ZBTB8B: variants seen among roughly 807,000 people sequenced by gnomAD.
ZBTB8B encodes the protein zinc finger and BTB domain containing 8B.
In ZBTB8B, 17 loss-of-function variants were observed where a neutral mutation model predicts 30.3. That is an observed-to-expected ratio of 0.56 (90% CI 0.38 to 0.84). ZBTB8B has a LOEUF of 0.84. ZBTB8B is among the 40% of genes least tolerant of loss of function. The pLI, the probability that ZBTB8B is intolerant of heterozygous loss-of-function variation, is 0.00. For missense variants in ZBTB8B, 515 were observed against 644.9 expected (o/e 0.80, Z 2.18); for synonymous variants, 248 against 255.6 (o/e 0.97, Z 0.28).
intron 1 of ZBTB8B, among the ~76,000 whole-genome samples, chr1:32,469,120 C>T (rs2148179722): frequency 6.6e-6 from 1 of 151,964 alleles, no homozygotes; most frequent in Middle Eastern, 3.4e-3. Flanking sequence ...TGCTTGAGCC[C>T]AGGAGTTTGA....
chr1:32,482,353 T>G (rs1326980074), intron 3 of ZBTB8B, among the ~76,000 whole-genome samples: 5 of 151,904 alleles, frequency 3.3e-5, no homozygotes, highest in African/African-American at 1.2e-4. Flanking sequence ...ATACAAATAG[T>G]TTGATCTTCA....
rs544456416 is a variant in ZBTB8B at position 32,466,508 on chromosome 1, G to A, written c.-42+1403G>A. Among the ~76,000 whole-genome samples, 3 of 152,196 alleles carry A rather than the reference G, an allele frequency of 2.0e-5. No homozygotes were observed. In the South Asian group the frequency reaches 6.2e-4, roughly 32 times the overall value. ...GAGCTGCTCTTCTGGGATAAGTGGT[G>A]ATCCTCAGCACTTCCCGGGGCAGCA... On this transcript the variant is annotated intron_variant, in intron 1 of 3. Coordinates refer to ENST00000609129, the MANE Select transcript of ZBTB8B (RefSeq NM_001145720.2).
rs143543287 is a variant in ZBTB8B, at chr1:32,487,814, G to A, written c.*2396G>A. ...AATCGTGCCACTCCACTCCAGCCTG[G>A]GCAACAGTGTGAGACCTTGTCTCAA... On this transcript the variant is annotated 3_prime_UTR_variant, in exon 4 of 4. Coordinates refer to ENST00000609129, the MANE Select transcript of ZBTB8B (RefSeq NM_001145720.2). The A allele has an allele frequency of 6.6e-6, 1 of 152,046 alleles. No homozygotes were observed. Among genetic ancestry groups the A allele is most frequent in the African/African-American group, 2.4e-5 (1 of 41,462 alleles). The allele number at this position is 152,046 out of a possible 1,614,324, so 9.4% of individuals were successfully genotyped here. A position where few individuals can be genotyped will look rare whatever the true frequency, so the allele number is the denominator to read the frequency against.
intron 2 of ZBTB8B, among the ~76,000 whole-genome samples, chr1:32,479,888 T>C (rs1429871459): frequency 6.6e-6 from 1 of 152,232 alleles, no homozygotes; most frequent in African/African-American, 2.4e-5. Flanking sequence ...AATTCCTGGA[T>C]ATTTGATGAT....
intron 1 of ZBTB8B, among the ~76,000 whole-genome samples, chr1:32,469,152 C>T (rs916702769): frequency 6.6e-6 from 1 of 151,792 alleles, no homozygotes; most frequent in Non-Finnish European, 1.5e-5. Context: ...GCTATGATCA[C>T]ACCATTTGCA....
chr1:32,470,514 A>G lies in ZBTB8B; in HGVS notation c.-41-70A>G, dbSNP rs879230638. On this transcript the variant is annotated intron_variant, in intron 1 of 3. Transcript: ENST00000609129. ...GACGCTGACTCAAAAAAAAAAAAAA[A>G]AAAAAAAAAAAAGAAATCTTGTTTG... 3.6e-5 allele frequency: 40 copies of G among 1,100,420 alleles called. No homozygotes were observed. The East Asian group carries it at 5.7e-4, about 16-fold the overall frequency. The allele number at this position is 1,100,420 out of a possible 1,614,324, so 68.2% of individuals were successfully genotyped here.
chr1:32,484,809 G>A lies in ZBTB8B; in HGVS notation c.1171-292G>A, dbSNP rs1017427187. Among the ~76,000 whole-genome samples the A allele has an allele frequency of 2.0e-5, 3 of 151,968 alleles. No individual in the cohort carries two copies. The highest frequency in any genetic ancestry group is 1.5e-5 in the Non-Finnish European group (1 of 68,012). On this transcript the variant is annotated intron_variant, in intron 3 of 3. Transcript: ENST00000609129. This position sits in a 1 kb window ranked among gnomAD's most constrained non-coding sequence, Gnocchi z 4.5. ...TCCCCCTTTGTCTTCTGCCACAATT[G>A]TAAGTTTCCTGAGGCCTCCCTAGAA...
In ZBTB8B at chr1:32,465,857, C is replaced by G. The variant is rs1425951383; in HGVS notation, c.-42+752C>G. Among the ~76,000 whole-genome samples, 3 of 152,044 alleles carry G rather than the reference C, an allele frequency of 2.0e-5. No homozygotes were observed. Among genetic ancestry groups the G allele is most frequent in the Non-Finnish European group, 4.4e-5 (3 of 68,020 alleles). On this transcript the variant is annotated intron_variant, in intron 1 of 3. Transcript: ENST00000609129. The surrounding 1 kb of genome is among the most constrained non-coding windows in gnomAD (Gnocchi z 4.1). ...AAGAGGATGTAGTTAGAGTATCTGT[C>G]GTACTGGATTATTGTGAGGTGAAAA...
At chr1:32,481,529 C>A (rs148499582) in intron 3 of ZBTB8B, among the ~76,000 whole-genome samples, 1 of 152,088 alleles carries the variant, frequency 6.6e-6, no homozygotes, top group Non-Finnish European at 1.5e-5. Flanking sequence ...CCAAGGAGAC[C>A]CTCCCCTCTA....
At chr1:32,467,415 C>T (rs921493803) in intron 1 of ZBTB8B, among the ~76,000 whole-genome samples, 3 of 151,934 alleles carry the variant, frequency 2.0e-5, no homozygotes, top group African/African-American at 7.3e-5. Flanking sequence ...CCATGCCCAG[C>T]TAATTTTTTT....
Position 32,485,492 on chromosome 1 carries a change from C to A in ZBTB8B, c.*74C>A. 6.9e-7 allele frequency: 1 copy of A among 1,440,834 alleles called. No individual in the cohort carries two copies. Among genetic ancestry groups the A allele is most frequent in the Non-Finnish European group, 9.4e-7 (1 of 1,067,832 alleles). 89.3% of individuals were successfully genotyped at this position (1,440,834 alleles called of 1,614,324 possible). A position where few individuals can be genotyped will look rare whatever the true frequency, so the allele number is the denominator to read the frequency against. On this transcript the variant is annotated 3_prime_UTR_variant, in exon 4 of 4. Coordinates refer to ENST00000609129, the MANE Select transcript of ZBTB8B (RefSeq NM_001145720.2). ...TCTGTTGTTGAAAGATACCATTTGT[C>A]CAATTTTGTGGAACCCTGAGAGGAA...
At chr1:32,473,512 CTTTTT>C (rs11300546) in intron 2 of ZBTB8B, among the ~76,000 whole-genome samples, 1 of 112,184 alleles carries the variant, frequency 8.9e-6, no homozygotes. Context: ...TGTCTTGAGA[CTTTTT>C]TTTTTTTTTT....
In ZBTB8B at chr1:32,493,311, T is replaced by A. The variant is rs1223310810; in HGVS notation, c.*7893T>A. 6.6e-6 allele frequency: 1 copy of A among 151,972 alleles called. No individual in the cohort carries two copies. Among genetic ancestry groups the A allele is most frequent in the Non-Finnish European group, 1.5e-5 (1 of 68,022 alleles). 9.4% of individuals were successfully genotyped at this position (151,972 alleles called of 1,614,324 possible). ...GCGTGTGCCACCACGCCCAGCTAATTTTTTGTATTTTATAAGAGATGGCGT... is the reference window on the plus strand; with the variant it reads ...GCGTGTGCCACCACGCCCAGCTAATATTTTGTATTTTATAAGAGATGGCGT... On this transcript the variant is annotated 3_prime_UTR_variant, in exon 4 of 4. Transcript: ENST00000609129.
rs1030408748 is a variant in ZBTB8B at position 32,495,694 on chromosome 1, A to C, written c.*10276A>C. The stretch of plus-strand genomic sequence containing the variant: ...GGTACCTATAAATTTAAAATGGCTA[A>C]GGTTAAAATAGTTAAAACAGTTTCT... On this transcript the variant is annotated 3_prime_UTR_variant, in exon 4 of 4. Coordinates refer to ENST00000609129, the MANE Select transcript of ZBTB8B (RefSeq NM_001145720.2). 2 of 152,154 alleles carry C rather than the reference A, an allele frequency of 1.3e-5. No individual in the cohort carries two copies. Among genetic ancestry groups the C allele is most frequent in the African/African-American group, 4.8e-5 (2 of 41,430 alleles). The allele number at this position is 152,154 out of a possible 1,614,324, so 9.4% of individuals were successfully genotyped here. A position where few individuals can be genotyped will look rare whatever the true frequency, so the allele number is the denominator to read the frequency against.
intron 2 of ZBTB8B, among the ~76,000 whole-genome samples, chr1:32,478,052 C>T (rs954362520): frequency 1.5e-4 from 22 of 149,636 alleles, no homozygotes; most frequent in African/African-American, 5.4e-4. Context: ...AGCAAAACTC[C>T]GTCTCAAAAA....
At chr1:32,474,390 A>G (rs1180136111) in intron 2 of ZBTB8B, among the ~76,000 whole-genome samples, 1 of 145,174 alleles carries the variant, frequency 6.9e-6, no homozygotes, top group Non-Finnish European at 1.5e-5. Context: ...AAATTGAAAA[A>G]TTAGCCAGGC....
intron 1 of ZBTB8B, among the ~76,000 whole-genome samples, chr1:32,469,814 G>A (rs975186414): frequency 6.6e-6 from 1 of 152,150 alleles, no homozygotes; most frequent in Non-Finnish European, 1.5e-5. Context: ...CATGCAATTA[G>A]CTATAGTTAT....
At chr1:32,479,459 G>T (rs900734006) in intron 2 of ZBTB8B, among the ~76,000 whole-genome samples, 1 of 152,106 alleles carries the variant, frequency 6.6e-6, no homozygotes, top group Non-Finnish European at 1.5e-5. Context: ...GGAGGTGGAG[G>T]TTGCAGTGAG....
chr1:32,466,550 TGGG>T (rs1333679949), intron 1 of ZBTB8B, among the ~76,000 whole-genome samples: 1 of 152,052 alleles, frequency 6.6e-6, no homozygotes, highest in East Asian at 1.9e-4. Context: ...TTCAGGCAAA[TGGG>T]GGTGATATAA....
Sources: allele counts gnomAD v4.1 joint callset (sites outside exome capture counted in the v4.1 genomes callset), GRCh38; gene constraint gnomAD v4.1.1; non-coding constraint Gnocchi (gnomAD v3.1); transcripts MANE v1.5; gene names NCBI Gene and HGNC (gene_info 2026-07-23, HGNC 2026-07-21).